EPS8: variants seen among roughly 807,000 people sequenced by gnomAD.
EPS8 encodes EGFR pathway substrate 8, signaling adaptor, also known as epidermal growth factor receptor kinase substrate 8.
A neutral mutation model predicts 103.8 loss-of-function variants in EPS8; 42 were observed. That is an observed-to-expected ratio of 0.40 (90% CI 0.32 to 0.52). EPS8 has a LOEUF of 0.52. Among genes scored for constraint, EPS8 ranks in the 20% least tolerant of loss-of-function variants. The pLI, the probability that EPS8 is intolerant of heterozygous loss-of-function variation, is 0.40. For synonymous variants in EPS8, 344 were observed against 344.6 expected, an observed-to-expected ratio of 1.00 and a Z score of 0.02; for missense variants, 969 against 1,005.1, an observed-to-expected ratio of 0.96 and a Z score of 0.49.
Position 15,761,283 on chromosome 12 carries a change from AGAG to A in EPS8, c.-22+27875_-22+27877del, listed in dbSNP as rs923421408. Among the ~76,000 whole-genome samples the A allele has an allele frequency of 2.0e-5, 3 of 152,154 alleles. No individual in the cohort carries two copies. Among genetic ancestry groups the A allele is most frequent in the African/African-American group, 7.2e-5 (3 of 41,446 alleles). On this transcript the variant is annotated intron_variant, in intron 1 of 20. Transcript: ENST00000281172. This position sits in a 1 kb window ranked among gnomAD's most constrained non-coding sequence, Gnocchi z 4.5. ...ATAAAACACTGATGAAAGAAATTCA[AGAG>A]GACACCAAAAAATGGAAAATATTCT...
rs913831186 is a variant in EPS8, at chr12:15,672,080, T to C, written c.137-1157A>G. 5.3e-5 allele frequency among the ~76,000 whole-genome samples: 8 copies of C among 152,162 alleles called. No individual in the cohort carries two copies. The South Asian group carries it at 1.0e-3, about 20-fold the overall frequency. ...CCATTAACATTCTGACATATAGATATACCTTAGCTTTCCCAACAACCTATT... is the reference window on the plus strand; with the variant it reads ...CCATTAACATTCTGACATATAGATACACCTTAGCTTTCCCAACAACCTATT... On this transcript the variant is annotated intron_variant, in intron 3 of 20. Transcript: ENST00000281172.
At chr12:15,723,501 G>A (rs1485902788) in intron 1 of EPS8, among the ~76,000 whole-genome samples, 2 of 151,926 alleles carry the variant, frequency 1.3e-5, no homozygotes, top group Non-Finnish European at 2.9e-5. Context: ...ATTTTTAATT[G>A]TATATGTATA....
At position 15,624,394 on chromosome 12, in the gene EPS8, C is replaced by G. The variant is rs375763286; in HGVS notation, c.2058G>C (p.Gln686His). 3.0e-5 allele frequency: 47 copies of G among 1,563,104 alleles called. No homozygotes were observed. The African/African-American group carries it at 4.9e-4, about 16-fold the overall frequency. The change falls in exon 19 of 21, where the codon CAG becomes CAC. Residue 686 changes from glutamine (Q) to histidine (H), a missense_variant. Physicochemically the swap from Gln to His is conservative, Grantham distance 24. Coordinates refer to ENST00000281172, the MANE Select transcript of EPS8 (RefSeq NM_004447.6). ...KQLPVDRRKSQMEEVQDELIH... is the reference protein window; with the variant it reads ...KQLPVDRRKSHMEEVQDELIH... ...TGAGTTCATCTTGCACTTCCTCCAT[C>G]TGAGATTTCCTTCCTAGACACCAAC...
rs1312301793 is a variant in EPS8 at position 15,779,231 on chromosome 12, G to C, written c.-22+9930C>G. On this transcript the variant is annotated intron_variant, in intron 1 of 20. Transcript: ENST00000281172. This position sits in a 1 kb window ranked among gnomAD's most constrained non-coding sequence, Gnocchi z 4.3. ...AAACTCAGGTGATCCGCCTGCCTCGGCTTCCCAAAATGCTGGGATTACAGG... is the reference window on the plus strand; with the variant it reads ...AAACTCAGGTGATCCGCCTGCCTCGCCTTCCCAAAATGCTGGGATTACAGG... Among the ~76,000 whole-genome samples the C allele has an allele frequency of 6.6e-6, 1 of 152,170 alleles. No individual in the cohort carries two copies. The highest frequency in any genetic ancestry group is 2.4e-5 in the African/African-American group (1 of 41,444).
intron 1 of EPS8, among the ~76,000 whole-genome samples, chr12:15,782,506 T>A (rs576584854): frequency 5.9e-5 from 9 of 151,858 alleles, no homozygotes; most frequent in East Asian, 5.8e-4. Flanking sequence ...TCTCAAAAAA[T>A]TTTTTTAAAT....
chr12:15,776,686 C>A lies in EPS8; in HGVS notation c.-22+12475G>T, dbSNP rs1248635442. Among the ~76,000 whole-genome samples the A allele has an allele frequency of 6.6e-6, 1 of 152,106 alleles. No homozygotes were observed. The highest frequency in any genetic ancestry group is 2.4e-5 in the African/African-American group (1 of 41,406). On this transcript the variant is annotated intron_variant, in intron 1 of 20. Coordinates refer to ENST00000281172, the MANE Select transcript of EPS8 (RefSeq NM_004447.6). The surrounding 1 kb of genome is among the most constrained non-coding windows in gnomAD (Gnocchi z 4.2). ...TTAAATAATATATTGTTCCTTACAG[C>A]ATATAATCAAAGTTCCCTAGATATA...
At chr12:15,633,414 A>G (rs1378831008) in intron 17 of EPS8, among the ~76,000 whole-genome samples, 1 of 152,212 alleles carries the variant, frequency 6.6e-6, no homozygotes. Flanking sequence ...TCATAGTTTC[A>G]ATTATTGTTT....
chr12:15,697,029 C>T lies in EPS8; in HGVS notation c.-21-14057G>A, dbSNP rs1481317146. Among the ~76,000 whole-genome samples the T allele has an allele frequency of 2.0e-5, 3 of 152,118 alleles. No homozygotes were observed. Among genetic ancestry groups the T allele is most frequent in the African/African-American group, 4.8e-5 (2 of 41,422 alleles). The stretch of plus-strand genomic sequence containing the variant: ...AGAGGAGATTTGAAGAGGGAATTAT[C>T]GTAAGGCCAGCATTTGCATTTCTTT... On this transcript the variant is annotated intron_variant, in intron 1 of 20. Transcript: ENST00000281172. This position sits in a 1 kb window ranked among gnomAD's most constrained non-coding sequence, Gnocchi z 5.6.
At chr12:15,665,386 C>A in intron 8 of EPS8, 1 of 187,334 alleles carries the variant, frequency 5.3e-6, no homozygotes, top group South Asian at 1.1e-4. Flanking sequence ...GGCTGGGGTG[C>A]AATGGCGTGA....
chr12:15,663,951 ATATATAT>A lies in EPS8; in HGVS notation c.736+1798_736+1804del, dbSNP rs1215720608. Reference sequence around the variant, plus strand: ...AAAAAAAAAAAAAAAAAAAAATAATATATATATATATATATATATATATATACACACA... The same window carrying A: ...AAAAAAAAAAAAAAAAAAAAATAATAATATATATATATATATATACACACA... On this transcript the variant is annotated intron_variant, in intron 8 of 20. Coordinates refer to ENST00000281172, the MANE Select transcript of EPS8 (RefSeq NM_004447.6). Among the ~76,000 whole-genome samples, 68 of 39,664 alleles carry A rather than the reference ATATATAT, an allele frequency of 1.7e-3. 2 individuals carry two copies. Among genetic ancestry groups the A allele is most frequent in the African/African-American group, 5.4e-3 (65 of 11,964 alleles). 26.0% of individuals were successfully genotyped at this position (39,664 alleles called of 152,430 possible).
At chr12:15,694,095 T>C (rs1946210954) in intron 1 of EPS8, among the ~76,000 whole-genome samples, 1 of 152,234 alleles carries the variant, frequency 6.6e-6, no homozygotes, top group Admixed American at 6.5e-5. Context: ...ATATGCTTAG[T>C]CTGCCATTTT....
intron 3 of EPS8, chr12:15,671,722 T>C (rs1945821471): frequency 6.6e-6 from 1 of 152,144 alleles, no homozygotes; most frequent in East Asian, 1.9e-4. Flanking sequence ...TATGGAACAC[T>C]TCATGAATTT....
intron 9 of EPS8, 87 bp from the exon 10 acceptor site, chr12:15,660,827 T>C (rs1945592963): frequency 1.3e-6 from 1 of 773,068 alleles, no homozygotes; most frequent in Non-Finnish European, 2.0e-6. Context: ...GAAAGGTTTT[T>C]TTAGAAAAGG....
rs1946737934 is a variant in EPS8 at position 15,733,400 on chromosome 12, C to T, written c.-21-50428G>A. Among the ~76,000 whole-genome samples the T allele has an allele frequency of 6.6e-6, 1 of 152,138 alleles. No homozygotes were observed. The highest frequency in any genetic ancestry group is 1.5e-5 in the Non-Finnish European group (1 of 68,024). On this transcript the variant is annotated intron_variant, in intron 1 of 20. Transcript: ENST00000281172. The surrounding 1 kb of genome is among the most constrained non-coding windows in gnomAD (Gnocchi z 4.8). ...GAAAACCATTCCCATGATCCAATCA[C>T]CTCCCACCAGCTCCCTCCCTCAACA...
At chr12:15,782,970 T>A (rs558183891) in intron 1 of EPS8, among the ~76,000 whole-genome samples, 1 of 152,360 alleles carries the variant, frequency 6.6e-6, no homozygotes, top group African/African-American at 2.4e-5. Flanking sequence ...CTTGTATTTT[T>A]CATCCTGTTT....
At position 15,772,165 on chromosome 12, in the gene EPS8, G is replaced by C. The variant is rs535355846; in HGVS notation, c.-22+16996C>G. Among the ~76,000 whole-genome samples, 1 of 152,192 alleles carries C rather than the reference G, an allele frequency of 6.6e-6. No individual in the cohort carries two copies. Among genetic ancestry groups the C allele is most frequent in the South Asian group, 2.1e-4 (1 of 4,816 alleles). On this transcript the variant is annotated intron_variant, in intron 1 of 20. Transcript: ENST00000281172. The surrounding 1 kb of genome is among the most constrained non-coding windows in gnomAD (Gnocchi z 5.0). ...TGACTGTTGACATATAGGTGGGGCAGAAAGGTGGGTAAGAAAAAGAGTCCA... is the reference window on the plus strand; with the variant it reads ...TGACTGTTGACATATAGGTGGGGCACAAAGGTGGGTAAGAAAAAGAGTCCA...
In EPS8 at chr12:15,777,768, G is replaced by A. The variant is rs1380741239; in HGVS notation, c.-22+11393C>T. Among the ~76,000 whole-genome samples the A allele has an allele frequency of 6.6e-6, 1 of 152,172 alleles. No homozygotes were observed. Among genetic ancestry groups the A allele is most frequent in the South Asian group, 2.1e-4 (1 of 4,828 alleles). On this transcript the variant is annotated intron_variant, in intron 1 of 20. Coordinates refer to ENST00000281172, the MANE Select transcript of EPS8 (RefSeq NM_004447.6). This position sits in a 1 kb window ranked among gnomAD's most constrained non-coding sequence, Gnocchi z 4.7. ...CAAAAGGAGGGGGAACAGCTGGGAG[G>A]AGGAAAAGAGTTGGGAAAGGGGGTG...
At chr12:15,632,284 C>G (rs1945060284) in intron 17 of EPS8, among the ~76,000 whole-genome samples, 1 of 152,160 alleles carries the variant, frequency 6.6e-6, no homozygotes, top group East Asian at 1.9e-4. Flanking sequence ...ATGATTGCAA[C>G]TTACAAACGA....
In EPS8 at chr12:15,695,028, A is replaced by G. The variant is rs1946224434; in HGVS notation, c.-21-12056T>C. ...GTCAGCCACTGTGCAAGCACTTTAC[A>G]TGCATTATCTTACTTCTTATTAAGA... On this transcript the variant is annotated intron_variant, in intron 1 of 20. Coordinates refer to ENST00000281172, the MANE Select transcript of EPS8 (RefSeq NM_004447.6). The surrounding 1 kb of genome is among the most constrained non-coding windows in gnomAD (Gnocchi z 5.0). 6.6e-6 allele frequency among the ~76,000 whole-genome samples: 1 copy of G among 152,172 alleles called. No individual in the cohort carries two copies. Among genetic ancestry groups the G allele is most frequent in the Admixed American group, 6.5e-5 (1 of 15,280 alleles).
Sources: allele counts gnomAD v4.1 joint callset (sites outside exome capture counted in the v4.1 genomes callset), GRCh38; gene constraint gnomAD v4.1.1; non-coding constraint Gnocchi (gnomAD v3.1); transcripts MANE v1.5; gene names NCBI Gene and HGNC (gene_info 2026-07-23, HGNC 2026-07-21).